TBX15: variants seen among roughly 807,000 people sequenced by gnomAD.
TBX15 encodes T-box transcription factor 15.
TBX15 carries 18 observed loss-of-function variants against 53.9 expected under a neutral mutation model. That is an observed-to-expected ratio of 0.33 (90% confidence interval 0.23 to 0.49). The LOEUF (loss-of-function observed/expected upper bound fraction) is 0.49. Ranked by LOEUF, TBX15 falls within the 20% of genes least tolerant of loss-of-function variation. The pLI is 0.98. For synonymous variants in TBX15, 295 were observed against 278.0 expected (o/e 1.06, Z -0.61); for missense variants, 692 against 749.5 (o/e 0.92, Z 0.90).
intron 5 of TBX15, among the ~76,000 whole-genome samples, chr1:118,918,958 A>G (rs1358340573): frequency 6.6e-6 from 1 of 152,034 alleles, no homozygotes; most frequent in African/African-American, 2.4e-5. Flanking sequence ...GGAAAACAAA[A>G]CAAAACAAAA....
intron 2 of TBX15, among the ~76,000 whole-genome samples, chr1:118,929,540 C>G (rs773473416): frequency 3.3e-5 from 5 of 152,072 alleles, no homozygotes; most frequent in Non-Finnish European, 5.9e-5. Context: ...AATACAGAAC[C>G]AATTAATGTA....
chr1:118,932,052 A>G (rs576575490), intron 1 of TBX15, among the ~76,000 whole-genome samples: 2 of 152,292 alleles, frequency 1.3e-5, no homozygotes, highest in African/African-American at 2.4e-5. Flanking sequence ...CGTGTTTCCA[A>G]CATGACATCT....
At position 118,931,755 on chromosome 1, in the gene TBX15, G is replaced by T; in HGVS notation, c.283C>A (p.Leu95Met). 1 of 1,613,260 alleles carries T rather than the reference G, an allele frequency of 6.2e-7. No homozygotes were observed. Among genetic ancestry groups the T allele is most frequent in the Non-Finnish European group, 8.5e-7 (1 of 1,179,560 alleles). Residue 95 changes from leucine to methionine, a missense_variant, in exon 2 of 8, where the codon CTG (leucine) becomes ATG (methionine). Leu to Met is a conservative substitution (Grantham distance 15). Coordinates refer to ENST00000369429, the MANE Select transcript of TBX15 (RefSeq NM_001330677.2). The part of the protein sequence containing the change: ...TSCSFSTHTD[L>M]ASGAAGPVPA... ...ACAGGGCCTGCAGCACCAGAGGCCAGGTCAGTGTGAGTACTGAAGGAGCAG... is the reference window on the plus strand; with the variant it reads ...ACAGGGCCTGCAGCACCAGAGGCCATGTCAGTGTGAGTACTGAAGGAGCAG...
At chr1:118,943,415 C>T (rs572869120) in intron 1 of TBX15, among the ~76,000 whole-genome samples, 88 of 152,010 alleles carry the variant, frequency 5.8e-4, no homozygotes, top group Non-Finnish European at 1.0e-3. Flanking sequence ...GAAGAAACAA[C>T]GAAAATGCCA....
intron 2 of TBX15, among the ~76,000 whole-genome samples, chr1:118,930,648 T>G (rs1026204209): frequency 1.3e-5 from 2 of 152,226 alleles, no homozygotes; most frequent in Non-Finnish European, 2.9e-5. Context: ...ACTCCTGACC[T>G]TAGGTGATCC....
intron 1 of TBX15, among the ~76,000 whole-genome samples, chr1:118,972,497 G>A (rs1024515356): frequency 6.6e-6 from 1 of 152,178 alleles, no homozygotes; most frequent in African/African-American, 2.4e-5. Context: ...AGCCTGTGTG[G>A]AGAGGAGCTG....
At position 118,962,747 on chromosome 1, in the gene TBX15, A is replaced by C. The variant is rs151255466; in HGVS notation, c.205+24844T>G. 8.1e-3 allele frequency among the ~76,000 whole-genome samples: 1,229 copies of C among 152,334 alleles called. 14 individuals carry two copies. The highest frequency in any genetic ancestry group is 0.028 in the African/African-American group (1,163 of 41,574). On this transcript the variant is annotated intron_variant, in intron 1 of 7. Transcript: ENST00000369429. ...TCACTGTATCGGTTTACTTAGCTAC[A>C]CAATAAAGCCTTCAGTGGGAATCTA...
At chr1:118,979,557 C>G (rs1657571510) in intron 1 of TBX15, among the ~76,000 whole-genome samples, 2 of 152,168 alleles carry the variant, frequency 1.3e-5, no homozygotes, top group African/African-American at 4.8e-5. Context: ...CTCGAACTCC[C>G]CTCAGGGCGC....
At chr1:118,926,425 C>T (rs1479271585) in intron 3 of TBX15, 85 bp downstream of exon 3, 3 of 1,226,448 alleles carry the variant, frequency 2.4e-6, no homozygotes, top group Non-Finnish European at 2.4e-6. Flanking sequence ...GCATGCATTG[C>T]TAAACTATTT....
At chr1:118,972,156 C>T (rs985869423) in intron 1 of TBX15, among the ~76,000 whole-genome samples, 1 of 152,170 alleles carries the variant, frequency 6.6e-6, no homozygotes, top group Non-Finnish European at 1.5e-5. Flanking sequence ...AAAAAGACAT[C>T]CCTAAAAGAA....
intron 7 of TBX15, among the ~76,000 whole-genome samples, chr1:118,890,197 G>C (rs1326943817): frequency 2.6e-5 from 4 of 152,106 alleles, no homozygotes; most frequent in African/African-American, 9.7e-5. Context: ...ATTCCCAAAG[G>C]CTAACCTAAC....
intron 6 of TBX15, among the ~76,000 whole-genome samples, chr1:118,903,076 C>G (rs1477980303): frequency 6.6e-6 from 1 of 152,136 alleles, no homozygotes; most frequent in Non-Finnish European, 1.5e-5. Context: ...GTGTCCCCCT[C>G]TTGCTCATTT....
intron 7 of TBX15, among the ~76,000 whole-genome samples, chr1:118,895,077 G>A (rs754408739): frequency 1.3e-5 from 2 of 152,080 alleles, no homozygotes; most frequent in Admixed American, 6.5e-5. Flanking sequence ...TTCTTTCCCA[G>A]TATCTTACTT....
At chr1:118,933,657 G>A (rs1225900987) in intron 1 of TBX15, among the ~76,000 whole-genome samples, 1 of 152,048 alleles carries the variant, frequency 6.6e-6, no homozygotes, top group Non-Finnish European at 1.5e-5. Flanking sequence ...TTCAGTAGCA[G>A]AGCCATTATA....
At chr1:118,967,830 G>C (rs892623485) in intron 1 of TBX15, among the ~76,000 whole-genome samples, 1 of 152,154 alleles carries the variant, frequency 6.6e-6, no homozygotes, top group East Asian at 1.9e-4. Flanking sequence ...CCCTGAAGGA[G>C]TTTCATTTTC....
intron 1 of TBX15, among the ~76,000 whole-genome samples, chr1:118,962,694 G>GGAC (rs1399909277): frequency 6.6e-6 from 1 of 152,008 alleles, no homozygotes; most frequent in Non-Finnish European, 1.5e-5. Context: ...AGGATTTAAG[G>GGAC]GACTCTCTCT....
chr1:118,902,433 G>T (rs1654663009), intron 6 of TBX15, among the ~76,000 whole-genome samples: 1 of 152,164 alleles, frequency 6.6e-6, no homozygotes. Flanking sequence ...GCTGGTTACA[G>T]GATAAGATCT....
chr1:118,903,727 C>T (rs1654716942), intron 6 of TBX15, among the ~76,000 whole-genome samples: 1 of 152,100 alleles, frequency 6.6e-6, no homozygotes, highest in South Asian at 2.1e-4. Context: ...GAAAAAAATA[C>T]TTATAATACT....
intron 5 of TBX15, among the ~76,000 whole-genome samples, chr1:118,920,034 C>A (rs191025877): frequency 1.3e-5 from 2 of 152,128 alleles, no homozygotes; most frequent in Non-Finnish European, 2.9e-5. Flanking sequence ...CAGACAAAAT[C>A]ATCAATTTGT....
Sources: gnomAD v4.1 joint callset for allele counts (sites outside exome capture counted in the v4.1 genomes callset) on GRCh38, gnomAD v4.1.1 for gene constraint, MANE v1.5 for transcripts, NCBI Gene and HGNC (gene_info 2026-07-23, HGNC 2026-07-21) for gene names.